YIPF5: variants seen among roughly 807,000 people sequenced by gnomAD.
YIPF5 encodes protein YIPF5.
YIPF5 carries 8 observed loss-of-function variants against 30.4 expected under a neutral mutation model. The observed-to-expected ratio is 0.26, with a 90% confidence interval of 0.15 to 0.47. The LOEUF (loss-of-function observed/expected upper bound fraction) is 0.47. Among genes scored for constraint, YIPF5 ranks in the 20% least tolerant of loss-of-function variants. YIPF5 has a pLI of 0.99. For missense variants in YIPF5, 282 were observed against 301.8 expected (o/e 0.93, Z 0.49); for synonymous variants, 104 against 107.9 (o/e 0.96, Z 0.23).
chr5:144,165,306 T>C (rs1752170135), intron 3 of YIPF5, 126 bp downstream of exon 3: 4 of 1,276,614 alleles, frequency 3.1e-6, no homozygotes, highest in Non-Finnish European at 3.2e-6. Context: ...ATGAGTTGTT[T>C]AGCAGAAAAC....
chr5:144,166,918 A>AC (rs1752218509), intron 2 of YIPF5, among the ~76,000 whole-genome samples: 1 of 152,198 alleles, frequency 6.6e-6, no homozygotes, highest in Non-Finnish European at 1.5e-5. Context: ...CTACTAGAAC[A>AC]ACTTGATGCC....
Position 144,159,785 on chromosome 5 carries a change from T to C in YIPF5, c.*612A>G, listed in dbSNP as rs1751976777. 39 of 715,108 alleles carry C rather than the reference T, an allele frequency of 5.5e-5. No homozygotes were observed. Among genetic ancestry groups the C allele is most frequent in the Non-Finnish European group, 6.2e-5 (37 of 596,594 alleles). The allele number at this position is 715,108 out of a possible 1,614,324, so 44.3% of individuals were successfully genotyped here. A position where few individuals can be genotyped will look rare whatever the true frequency, so the allele number is the denominator to read the frequency against. On this transcript the variant is annotated 3_prime_UTR_variant, in exon 6 of 6. Transcript: ENST00000274496. ...GTGCAGTGGTGTGATCTCGGCTCAC[T>C]GCAAGCTCCGCCTCCTGGGTTCACA...
In YIPF5 at chr5:144,170,131, G is replaced by C. The variant is rs139590759; in HGVS notation, c.-10-166C>G. Among the ~76,000 whole-genome samples the C allele has an allele frequency of 3.9e-3, 598 of 152,328 alleles. 5 individuals carry two copies. Among genetic ancestry groups the C allele is most frequent in the African/African-American group, 0.013 (544 of 41,594 alleles). On this transcript the variant is annotated intron_variant, in intron 1 of 5. Transcript: ENST00000274496. Reference sequence around the variant, plus strand: ...AGCATTTGAACGACGGTAGCGGAGAGAGAGTAAGAAAATGTATATTCTTTT... The same window carrying C: ...AGCATTTGAACGACGGTAGCGGAGACAGAGTAAGAAAATGTATATTCTTTT...
intron 2 of YIPF5, 122 bp downstream of exon 2, chr5:144,169,724 A>G (rs1483572635): frequency 1.5e-5 from 12 of 788,908 alleles, no homozygotes; most frequent in Non-Finnish European, 2.5e-5. Flanking sequence ...AAGATTATGC[A>G]TGAAAGATCA....
Position 144,162,074 on chromosome 5 carries a change from C to T in YIPF5, c.611+144G>A, listed in dbSNP as rs1462088005. 48 of 821,174 alleles carry T rather than the reference C, an allele frequency of 5.8e-5. No individual in the cohort carries two copies. In the East Asian group the frequency reaches 8.3e-4, roughly 14 times the overall value. The allele number at this position is 821,174 out of a possible 1,614,324, so 50.9% of individuals were successfully genotyped here. A position where few individuals can be genotyped will look rare whatever the true frequency, so the allele number is the denominator to read the frequency against. On this transcript the variant is annotated intron_variant, in intron 5 of 5. Transcript: ENST00000274496. Reference sequence around the variant, plus strand: ...ATTCTCATTACCATTGTTCTTCATCCGAAACCATTTGGCACTGTCCCTACT... The same window carrying T: ...ATTCTCATTACCATTGTTCTTCATCTGAAACCATTTGGCACTGTCCCTACT...
In YIPF5 at chr5:144,158,270, C is replaced by G. The variant is rs961909038; in HGVS notation, c.*2127G>C. 6.4e-6 allele frequency: 3 copies of G among 469,302 alleles called. No individual in the cohort carries two copies. The African/African-American group carries it at 6.5e-5, about 10-fold the overall frequency. The allele number at this position is 469,302 out of a possible 1,614,324, so 29.1% of individuals were successfully genotyped here. On this transcript the variant is annotated 3_prime_UTR_variant, in exon 6 of 6. Coordinates refer to ENST00000274496, the MANE Select transcript of YIPF5 (RefSeq NM_030799.9). ...ATACAACTCTGCATGTAATCAAACTCTAGAACATCAAATGCAACTCCACTG... is the reference window on the plus strand; with the variant it reads ...ATACAACTCTGCATGTAATCAAACTGTAGAACATCAAATGCAACTCCACTG...
In YIPF5 at chr5:144,160,081, T is replaced by C. The variant is rs777322709; in HGVS notation, c.*316A>G. 4.9e-6 allele frequency: 5 copies of C among 1,023,734 alleles called. No individual in the cohort carries two copies. The highest frequency in any genetic ancestry group is 5.8e-6 in the Non-Finnish European group (5 of 855,698). The allele number at this position is 1,023,734 out of a possible 1,614,324, so 63.4% of individuals were successfully genotyped here. On this transcript the variant is annotated 3_prime_UTR_variant, in exon 6 of 6. Transcript: ENST00000274496. ...CAGCTTTGTGTTTGGTTTCCCACAG[T>C]TGATAAAAATCTATCAAAAACATTA...
chr5:144,165,385 C>T (rs1316794598), intron 3 of YIPF5, 47 bp downstream of exon 3: 3 of 1,567,400 alleles, frequency 1.9e-6, no homozygotes, highest in South Asian at 2.3e-5. Flanking sequence ...TTTTCACTAA[C>T]CAGCTGAATA....
chr5:144,165,314 A>T (rs1752170397), intron 3 of YIPF5, 118 bp downstream of exon 3: 1 of 1,372,698 alleles, frequency 7.3e-7, no homozygotes, highest in Non-Finnish European at 9.8e-7. Context: ...TTTAGCAGAA[A>T]ACTTTTTTCT....
At chr5:144,168,901 C>A (rs1022770801) in intron 2 of YIPF5, among the ~76,000 whole-genome samples, 1 of 152,186 alleles carries the variant, frequency 6.6e-6, no homozygotes, top group Non-Finnish European at 1.5e-5. Flanking sequence ...CTGCCCTCAT[C>A]GTGGAACAGT....
intron 2 of YIPF5, among the ~76,000 whole-genome samples, chr5:144,166,867 A>T (rs540028896): frequency 6.6e-6 from 1 of 152,294 alleles, no homozygotes. Context: ...ACTGTCTGCC[A>T]ACTCTCTAAC....
intron 4 of YIPF5, 53 bp from the exon 5 acceptor site, chr5:144,162,452 C>T: frequency 1.4e-6 from 2 of 1,472,436 alleles, no homozygotes; most frequent in Middle Eastern, 3.6e-4. Flanking sequence ...TTATTTCTGG[C>T]CTTATTTCAC....
In YIPF5 at chr5:144,160,238, A is replaced by G. The variant is rs1751995719; in HGVS notation, c.*159T>C. On this transcript the variant is annotated 3_prime_UTR_variant, in exon 6 of 6. Transcript: ENST00000274496. Reference sequence around the variant, plus strand: ...ATCCAATATAGTATGCAAAAGTTCTATAAAAATGAACAAGAGATACACGTT... The same window carrying G: ...ATCCAATATAGTATGCAAAAGTTCTGTAAAAATGAACAAGAGATACACGTT... The G allele has an allele frequency of 6.9e-7, 1 of 1,448,692 alleles. No individual in the cohort carries two copies. Among genetic ancestry groups the G allele is most frequent in the Admixed American group, 2.6e-5 (1 of 38,922 alleles). 89.7% of individuals were successfully genotyped at this position (1,448,692 alleles called of 1,614,324 possible).
At position 144,159,276 on chromosome 5, in the gene YIPF5, A is replaced by T; in HGVS notation, c.*1121T>A. 1 of 972,568 alleles carries T rather than the reference A, an allele frequency of 1.0e-6. No individual in the cohort carries two copies. Among genetic ancestry groups the T allele is most frequent in the Non-Finnish European group, 1.2e-6 (1 of 818,240 alleles). The allele number at this position is 972,568 out of a possible 1,614,324, so 60.2% of individuals were successfully genotyped here. A position where few individuals can be genotyped will look rare whatever the true frequency, so the allele number is the denominator to read the frequency against. On this transcript the variant is annotated 3_prime_UTR_variant, in exon 6 of 6. Transcript: ENST00000274496. ...AAATTCAATAACACAGTTAAAATTA[A>T]TTGGGAAAGTTTTAATAAGCATTCA...
intron 5 of YIPF5, among the ~76,000 whole-genome samples, chr5:144,161,692 C>T (rs1752051369): frequency 6.6e-6 from 1 of 152,124 alleles, no homozygotes. Context: ...AAAAATTACA[C>T]CATATTTAAA....
At chr5:144,162,090 T>C in intron 5 of YIPF5, 128 bp downstream of exon 5, 2 of 977,158 alleles carry the variant, frequency 2.0e-6, no homozygotes, top group Non-Finnish European at 3.1e-6. Context: ...CATTTGGCAC[T>C]GTCCCTACTA....
At chr5:144,164,586 T>G (rs1283466677) in intron 3 of YIPF5, among the ~76,000 whole-genome samples, 2 of 150,444 alleles carry the variant, frequency 1.3e-5, no homozygotes, top group Non-Finnish European at 2.9e-5. Context: ...TTTTTTTTTT[T>G]GTAGAGACAG....
chr5:144,160,505 A>T lies in YIPF5; in HGVS notation c.666T>A (p.Ser222=), dbSNP rs1165833001. The change falls in exon 6 of 6, where the codon TCT becomes TCA. Residue 222 remains serine, a synonymous_variant. Transcript: ENST00000274496. The stretch of plus-strand genomic sequence containing the variant: ...ATGCAGAAATAAATATTTTGGAAGC[A>T]GAAAAACTACACCATCCAATAATCC... The part of the protein sequence containing the change: ...TAGIIGWCSF[S]ASKIFISALA... 25 of 1,614,210 alleles carry T rather than the reference A, an allele frequency of 1.5e-5. No individual in the cohort carries two copies. Among genetic ancestry groups the T allele is most frequent in the Non-Finnish European group, 2.0e-5 (24 of 1,180,032 alleles).
intron 2 of YIPF5, among the ~76,000 whole-genome samples, chr5:144,167,246 A>ATTTTCC (rs1752227914): frequency 6.6e-6 from 1 of 152,000 alleles, no homozygotes; most frequent in South Asian, 2.1e-4. Context: ...GAATTTTACT[A>ATTTTCC]TTTTCCTTTT....
Sources: allele counts gnomAD v4.1 joint callset (sites outside exome capture counted in the v4.1 genomes callset), GRCh38; gene constraint gnomAD v4.1.1; transcripts MANE v1.5; gene names NCBI Gene and HGNC (gene_info 2026-07-23, HGNC 2026-07-21).